Variants in JCAD observed in about 807,000 individuals in gnomAD.
JCAD encodes junctional cadherin 5-associated protein.
Under a neutral mutation model 98.0 loss-of-function variants are expected in JCAD, and 40 were observed. The ratio of observed to expected loss-of-function variants is 0.41; its 90% CI spans 0.32 to 0.53. The LOEUF (loss-of-function observed/expected upper bound fraction) is 0.53. JCAD is among the 20% of genes least tolerant of loss of function. JCAD has a pLI of 0.31. For missense variants in JCAD, 1,705 were observed against 1,738.1 expected, an observed-to-expected ratio of 0.98 and a Z score of 0.34; for synonymous variants, 691 against 682.3, an observed-to-expected ratio of 1.01 and a Z score of -0.20.
rs913323027 is a variant in JCAD, at chr10:30,013,372, C to G, written c.*4511G>C. 3.3e-5 allele frequency: 5 copies of G among 151,986 alleles called. No individual in the cohort carries two copies. The highest frequency in any genetic ancestry group is 1.2e-4 in the African/African-American group (5 of 41,356). 9.4% of individuals were successfully genotyped at this position (151,986 alleles called of 1,614,324 possible). ...CTTGTCTTCACTAAATTTTAGAAGT[C>G]CCCCCGAGATGTTTCTGCTTAACTT... On this transcript the variant is annotated 3_prime_UTR_variant, in exon 4 of 4. Coordinates refer to ENST00000375377, the MANE Select transcript of JCAD (RefSeq NM_020848.4).
chr10:30,084,685 A>G (rs1024386370), intron 1 of JCAD, among the ~76,000 whole-genome samples: 15 of 152,170 alleles, frequency 9.9e-5, no homozygotes, highest in Non-Finnish European at 1.9e-4. Context: ...GTGTACCATC[A>G]GCTCTCCTGG....
rs1028569272 is a variant in JCAD, at chr10:30,047,567, G to A, written c.246C>T (p.Pro82=). Reference sequence around the variant, plus strand: ...AGGTTCTGGAAGCAGAAGTGCTCTGGGGCTCCCCGTGGCCTCTCGGTGTGC... The same window carrying A: ...AGGTTCTGGAAGCAGAAGTGCTCTGAGGCTCCCCGTGGCCTCTCGGTGTGC... The part of the protein sequence containing the change: ...RRSTPRGHGE[P]QSTSASRTSE... The change falls in exon 2 of 4, where the codon CCC becomes CCT. Residue 82 remains proline (P), a synonymous_variant. Coordinates refer to ENST00000375377, the MANE Select transcript of JCAD (RefSeq NM_020848.4). 7 of 1,613,934 alleles carry A rather than the reference G, an allele frequency of 4.3e-6. No homozygotes were observed. Among genetic ancestry groups the A allele is most frequent in the Non-Finnish European group, 5.1e-6 (6 of 1,179,974 alleles).
chr10:30,062,221 T>C (rs2505131), upstream of JCAD, among the ~76,000 whole-genome samples: 60,187 of 152,084 alleles, frequency 0.4, 13,316 homozygotes, highest in Non-Finnish European at 0.5. Flanking sequence ...TGTAATGGGA[T>C]TGAAATACTG....
chr10:30,115,392 G>A (rs747909328), exon 1 of JCAD: 5 of 152,184 alleles, frequency 3.3e-5, no homozygotes, highest in Non-Finnish European at 5.9e-5. Flanking sequence ...ATTTCTTCAT[G>A]AGCGTCTAAA....
chr10:30,095,526 C>A (rs561104525), intron 1 of JCAD, among the ~76,000 whole-genome samples: 2 of 152,196 alleles, frequency 1.3e-5, no homozygotes. Flanking sequence ...CCTCCCCGTT[C>A]GACCTGCTCT....
rs553532497 is a variant in JCAD, at chr10:30,103,740, T to C, written n.128+11627A>G. Among the ~76,000 whole-genome samples, 9 of 147,722 alleles carry C rather than the reference T, an allele frequency of 6.1e-5. No homozygotes were observed. In the East Asian group the frequency reaches 9.7e-4, roughly 16 times the overall value. On this transcript the variant is annotated intron_variant and non_coding_transcript_variant, in intron 1 of 2. Coordinates refer to the JCAD transcript ENST00000465712. ...GTTAGTGAGTCAATTTTTCTTTTTT[T>C]TTTTTTTTTTGGACAGAGTTTTGTG...
intron 1 of JCAD, among the ~76,000 whole-genome samples, chr10:30,079,269 T>C (rs1457396484): frequency 1.4e-5 from 2 of 142,832 alleles, no homozygotes; most frequent in Non-Finnish European, 3.0e-5. Context: ...ATGGCGTGAA[T>C]CCGGGAAGCG....
At chr10:30,084,441 A>G (rs545931450) in intron 1 of JCAD, among the ~76,000 whole-genome samples, 2 of 152,342 alleles carry the variant, frequency 1.3e-5, no homozygotes, top group East Asian at 3.9e-4. Context: ...TGAGCTGAAC[A>G]TTTAAATTGG....
intron 2 of JCAD, among the ~76,000 whole-genome samples, chr10:30,066,055 G>A (rs1837778948): frequency 6.6e-6 from 1 of 152,174 alleles, no homozygotes; most frequent in Non-Finnish European, 1.5e-5. Context: ...AAATAGAAAT[G>A]ATCTGTGTCA....
intron 2 of JCAD, among the ~76,000 whole-genome samples, chr10:30,068,324 G>A (rs191395361): frequency 6.7e-6 from 1 of 148,498 alleles, no homozygotes; most frequent in East Asian, 2.0e-4. Flanking sequence ...CCAGGAAGTG[G>A]AGGTTGCAGT....
rs1468005794 is a variant in JCAD, at chr10:30,014,897, T to G, written c.*2986A>C. ...CAGGATCTCAAAGAACAGATTCATG[T>G]TTTAGGGACTTTAAAAGAAGAAATC... On this transcript the variant is annotated 3_prime_UTR_variant, in exon 4 of 4. Transcript: ENST00000375377. The G allele has an allele frequency of 6.6e-6, 1 of 152,156 alleles. No individual in the cohort carries two copies. Among genetic ancestry groups the G allele is most frequent in the African/African-American group, 2.4e-5 (1 of 41,436 alleles). The allele number at this position is 152,156 out of a possible 1,614,324, so 9.4% of individuals were successfully genotyped here.
Position 30,027,106 on chromosome 10 carries a change from T to C in JCAD, c.3042A>G (p.Pro1014=). 3 of 1,614,162 alleles carry C rather than the reference T, an allele frequency of 1.9e-6. No individual in the cohort carries two copies. The highest frequency in any genetic ancestry group is 1.7e-6 in the Non-Finnish European group (2 of 1,179,994). ...KITSAFSSVK[P]SEAVPRKFDS... ...CAAACTTCCGAGGGACCGCTTCACT[T>C]GGTTTCACAGAGCTGAAAGCACTGG... Residue 1014 remains proline (P), a synonymous_variant, in exon 3 of 4, where the codon CCA becomes CCG. Coordinates refer to ENST00000375377, the MANE Select transcript of JCAD (RefSeq NM_020848.4).
At chr10:30,105,043 T>A (rs947982966) in intron 1 of JCAD, among the ~76,000 whole-genome samples, 2 of 152,124 alleles carry the variant, frequency 1.3e-5, no homozygotes, top group Admixed American at 1.3e-4. Context: ...AGGAAATGAG[T>A]TTGAAAGCTT....
rs550109811 is a variant in JCAD at position 30,089,144 on chromosome 10, T to G, written n.129-19323A>C. Among the ~76,000 whole-genome samples, 3 of 152,222 alleles carry G rather than the reference T, an allele frequency of 2.0e-5. No homozygotes were observed. In the East Asian group the frequency reaches 5.8e-4, roughly 29 times the overall value. On this transcript the variant is annotated intron_variant and non_coding_transcript_variant, in intron 1 of 2. Transcript: ENST00000465712. ...AAGTATGATGGATTGAGCACTGTGC[T>G]GGGGGTGGAGGCTGTACCATGTCCT... is the stretch of plus-strand genomic sequence containing the variant.
chr10:30,063,600 C>A (rs183639551), upstream of JCAD, among the ~76,000 whole-genome samples: 1 of 151,860 alleles, frequency 6.6e-6, no homozygotes, highest in East Asian at 1.9e-4. Context: ...AAAAGATTAA[C>A]GCTCTTTTAA....
In JCAD at chr10:30,014,974, T is replaced by G. The variant is rs1323672803; in HGVS notation, c.*2909A>C. 4 of 152,188 alleles carry G rather than the reference T, an allele frequency of 2.6e-5. No homozygotes were observed. The highest frequency in any genetic ancestry group is 4.8e-5 in the African/African-American group (2 of 41,438). 9.4% of individuals were successfully genotyped at this position (152,188 alleles called of 1,614,324 possible). A position where few individuals can be genotyped will look rare whatever the true frequency, so the allele number is the denominator to read the frequency against. Reference sequence around the variant, plus strand: ...CCTGAAAACCCAGTCAGGGGCTGGGTGCACTGTCAGTGAGGAGTTTTTCTG... The same window carrying G: ...CCTGAAAACCCAGTCAGGGGCTGGGGGCACTGTCAGTGAGGAGTTTTTCTG... On this transcript the variant is annotated 3_prime_UTR_variant, in exon 4 of 4. Transcript: ENST00000375377.
Position 30,027,195 on chromosome 10 carries a change from C to G in JCAD, c.2953G>C (p.Ala985Pro), listed in dbSNP as rs375594607. ...VTRMSSRSSD[A>P]KPLPASYPAE... ...GGATAGGACGCGGGCAGTGGTTTTG[C>G]GTCACTTGATCTTGAAGACATTCTC... Residue 985 changes from alanine to proline, a missense_variant, in exon 3 of 4, where the codon GCA becomes CCA. Coordinates refer to ENST00000375377, the MANE Select transcript of JCAD (RefSeq NM_020848.4). The G allele has an allele frequency of 6.2e-7, 1 of 1,614,182 alleles. No individual in the cohort carries two copies. The highest frequency in any genetic ancestry group is 2.2e-5 in the East Asian group (1 of 44,890).
At chr10:30,111,543 T>C (rs1297356011) in intron 1 of JCAD, among the ~76,000 whole-genome samples, 1 of 152,208 alleles carries the variant, frequency 6.6e-6, no homozygotes, top group East Asian at 1.9e-4. Context: ...GAGGCTTTCA[T>C]AGTCCTAGGA....
chr10:30,091,394 G>T (rs538130233), intron 1 of JCAD, among the ~76,000 whole-genome samples: 1 of 152,110 alleles, frequency 6.6e-6, no homozygotes, highest in Admixed American at 6.5e-5. Flanking sequence ...CTTTATCAAC[G>T]ACTTGAATTT....
Sources: gnomAD v4.1 joint callset for allele counts (sites outside exome capture counted in the v4.1 genomes callset) on GRCh38, gnomAD v4.1.1 for gene constraint, MANE v1.5 for transcripts, NCBI Gene and HGNC (gene_info 2026-07-23, HGNC 2026-07-21) for gene names.